Variants in NID2 observed in about 807,000 individuals in gnomAD.
The protein encoded by NID2 is nidogen-2.
In NID2, 83 loss-of-function variants were observed where a neutral mutation model predicts 145.4. The observed-to-expected ratio is 0.57, with a 90% CI of 0.48 to 0.69. NID2 has a LOEUF of 0.69. Ranked by LOEUF, NID2 falls within the 30% of genes least tolerant of loss-of-function variation. The probability of loss-of-function intolerance (pLI) is 0.00; values close to 1 mark genes in which losing one functional copy is unlikely to be tolerated. For missense variants in NID2, 1,807 were observed against 1,765.7 expected (o/e 1.02, Z -0.42); for synonymous variants, 739 against 701.3 (o/e 1.05, Z -0.85).
chr14:52,065,115 C>T (rs1893142740), intron 2 of NID2, among the ~76,000 whole-genome samples: 1 of 152,070 alleles, frequency 6.6e-6, no homozygotes, highest in Non-Finnish European at 1.5e-5. Context: ...ACAATTACAC[C>T]TTGACATTCC....
At chr14:52,036,678 GT>G (rs965428778) in intron 9 of NID2, among the ~76,000 whole-genome samples, 1 of 151,994 alleles carries the variant, frequency 6.6e-6, no homozygotes. Flanking sequence ...GTTATTACCC[GT>G]TTTTTGATTA....
chr14:52,025,675 G>A (rs898295359), intron 12 of NID2, among the ~76,000 whole-genome samples: 1 of 152,142 alleles, frequency 6.6e-6, no homozygotes, highest in African/African-American at 2.4e-5. Context: ...TGGTGAGGGG[G>A]CTGAGTGTGC....
Position 52,038,909 on chromosome 14 carries a change from G to A in NID2, c.2095C>T (p.Arg699Cys), listed in dbSNP as rs148168699. 1.1e-4 allele frequency: 173 copies of A among 1,614,102 alleles called. No homozygotes were observed. In the African/African-American group the frequency reaches 1.5e-3, roughly 14 times the overall value. ...TGGTAAGTGATGTTCTGGTGGATGC[G>A]GTAGGACCATGTTTGGTTGATTGCA... is the stretch of plus-strand genomic sequence containing the variant. ...FGAINQTWSYRIHQNITYQVC... is the reference protein window; with the variant it reads ...FGAINQTWSYCIHQNITYQVC... Residue 699 changes from arginine (R) to cysteine (C), a missense_variant, in exon 9 of 22, where the codon CGC (arginine) becomes TGC (cysteine). By Grantham distance (180) the Arg-to-Cys change is radical. Coordinates refer to ENST00000216286, the MANE Select transcript of NID2 (RefSeq NM_007361.4).
At chr14:52,061,255 T>C (rs739321) in intron 2 of NID2, among the ~76,000 whole-genome samples, 2,293 of 152,338 alleles carry the variant, frequency 0.015, 28 homozygotes, top group Non-Finnish European at 0.023. Flanking sequence ...TGTGATTCCC[T>C]ATAGAATAAT....
At chr14:52,008,100 TTAG>T (rs3030363) in intron 18 of NID2, 133 bp from the exon 19 acceptor site, 105,439 of 653,224 alleles carry the variant, frequency 0.16, 12,242 homozygotes, top group East Asian at 0.49. Flanking sequence ...TTGGGCTGCA[TTAG>T]TAGTGTCTTG....
intron 14 of NID2, among the ~76,000 whole-genome samples, chr14:52,018,139 GA>G (rs751626205): frequency 1.3e-5 from 2 of 152,022 alleles, no homozygotes; most frequent in Non-Finnish European, 2.9e-5. Flanking sequence ...CATTAAAAGG[GA>G]AAAAAACTAT....
At chr14:52,006,248 T>G in intron 20 of NID2, 1 of 405,336 alleles carries the variant, frequency 2.5e-6, no homozygotes, top group Non-Finnish European at 4.5e-6. Flanking sequence ...AAAGAACATA[T>G]TTAGATTAAT....
intron 14 of NID2, among the ~76,000 whole-genome samples, chr14:52,017,389 C>T (rs1891247482): frequency 6.6e-6 from 1 of 152,024 alleles, no homozygotes; most frequent in Non-Finnish European, 1.5e-5. Flanking sequence ...TCAAGCTGAC[C>T]CCATCAAACA....
chr14:52,043,025 T>G (rs1892344071), intron 5 of NID2, 94 bp from the exon 6 acceptor site: 2 of 1,228,318 alleles, frequency 1.6e-6, no homozygotes, highest in African/African-American at 1.5e-5. Flanking sequence ...AGAAGCAGTT[T>G]AGATCATAAC....
At chr14:52,040,958 T>A in intron 7 of NID2, 107 bp from the exon 8 acceptor site, 1 of 937,342 alleles carries the variant, frequency 1.1e-6, no homozygotes, top group Non-Finnish European at 1.7e-6. Context: ...AGATCGTGCC[T>A]AAGGAGATTA....
intron 9 of NID2, among the ~76,000 whole-genome samples, chr14:52,033,179 C>T (rs971616103): frequency 1.3e-5 from 2 of 152,144 alleles, no homozygotes; most frequent in African/African-American, 2.4e-5. Flanking sequence ...TTTTCTATTT[C>T]GCCCTCACCC....
At chr14:52,019,959 AG>A in intron 13 of NID2, 99 bp downstream of exon 13, 9 of 1,479,654 alleles carry the variant, frequency 6.1e-6, no homozygotes, top group Middle Eastern at 2.0e-4. Context: ...AAATCCACCA[AG>A]GCTCCAGACC....
At chr14:52,011,086 G>T (rs766068754) in intron 17 of NID2, 39 bp from the exon 18 acceptor site, 1 of 1,596,104 alleles carries the variant, frequency 6.3e-7, no homozygotes, top group Admixed American at 1.7e-5. Flanking sequence ...GTGTTTGCAG[G>T]ATATGGAGGG....
intron 2 of NID2, among the ~76,000 whole-genome samples, chr14:52,066,281 T>G (rs1595060631): frequency 6.8e-6 from 1 of 147,342 alleles, no homozygotes; most frequent in Non-Finnish European, 1.5e-5. Flanking sequence ...CTGGGAAGGG[T>G]AGTAGGGGTC....
At chr14:52,006,713 A>G (rs1890799037) in intron 19 of NID2, 53 bp from the exon 20 acceptor site, 3 of 1,585,372 alleles carry the variant, frequency 1.9e-6, no homozygotes, top group South Asian at 2.2e-5. Flanking sequence ...GCCAAAAATG[A>G]TAGTGACATA....
At chr14:52,013,561 A>G (rs1891107647) in intron 16 of NID2, among the ~76,000 whole-genome samples, 1 of 152,162 alleles carries the variant, frequency 6.6e-6, no homozygotes, top group Admixed American at 6.5e-5. Flanking sequence ...AAGTTCAACA[A>G]TGGAATCAGA....
rs1892299806 is a variant in NID2 at position 52,042,099 on chromosome 14, A to C, written c.1825+6T>G. 2 of 1,581,862 alleles carry C rather than the reference A, an allele frequency of 1.3e-6. No individual in the cohort carries two copies. The highest frequency in any genetic ancestry group is 8.6e-7 in the Non-Finnish European group (1 of 1,162,130). On this transcript the variant is annotated splice_donor_region_variant and intron_variant, in intron 7 of 21. Transcript: ENST00000216286. The stretch of plus-strand genomic sequence containing the variant: ...GACTACCGGCCTTCTCAGAGGCCCT[A>C]CTCACCTGCGAGGCTGAAGCCGTTC...
chr14:52,057,228 A>G lies in NID2; in HGVS notation c.767+2896T>C, dbSNP rs889734590. Among the ~76,000 whole-genome samples the G allele has an allele frequency of 3.0e-4, 45 of 152,150 alleles. No homozygotes were observed. The East Asian group carries it at 7.6e-3, about 26-fold the overall frequency. On this transcript the variant is annotated intron_variant, in intron 3 of 21. Transcript: ENST00000216286. ...AGCTAATTTTTTAAATTTTTAGTAG[A>G]GATTAGGTCTCGCTATGTTGCCCAG... is the stretch of plus-strand genomic sequence containing the variant.
intron 3 of NID2, 22 bp from the exon 4 acceptor site, chr14:52,054,343 A>G (rs1322347200): frequency 2.5e-6 from 4 of 1,592,784 alleles, no homozygotes; most frequent in South Asian, 1.1e-5. Flanking sequence ...GGAAACAGTC[A>G]TTGTAACAAA....
Sources: gnomAD v4.1 joint callset for allele counts (sites outside exome capture counted in the v4.1 genomes callset) on GRCh38, gnomAD v4.1.1 for gene constraint, MANE v1.5 for transcripts, NCBI Gene and HGNC (gene_info 2026-07-23, HGNC 2026-07-21) for gene names.